The following ZC3HC1 variants were observed in gnomAD, a reference collection of about 807,000 sequenced individuals.
The protein encoded by ZC3HC1 is zinc finger C3HC-type containing 1, also known as zinc finger C3HC-type protein 1.
A neutral mutation model predicts 61.9 loss-of-function variants in ZC3HC1; 38 were observed. The observed-to-expected ratio is 0.61, with a 90% confidence interval of 0.47 to 0.81. The LOEUF (loss-of-function observed/expected upper bound fraction) is 0.81, where lower values mean the gene tolerates loss of function less well. Among genes scored for constraint, ZC3HC1 ranks in the 30% least tolerant of loss-of-function variants. ZC3HC1 has a pLI of 0.00. For synonymous variants in ZC3HC1, 213 were observed against 229.9 expected (o/e 0.93, Z 0.67); for missense variants, 554 against 622.7 (o/e 0.89, Z 1.17).
Position 130,049,019 on chromosome 7 carries a change from C to T in ZC3HC1, c.258+14G>A, listed in dbSNP as rs369955896. On this transcript the variant is annotated intron_variant, in intron 2 of 9. Coordinates refer to ENST00000358303, the MANE Select transcript of ZC3HC1 (RefSeq NM_016478.5). Reference sequence around the variant, plus strand: ...AGGCAGAAAGTGCAATTCACATGAACTAAAAAAGGATATAGAAAATGTTTC... The same window carrying T: ...AGGCAGAAAGTGCAATTCACATGAATTAAAAAAGGATATAGAAAATGTTTC... 1.0e-5 allele frequency: 16 copies of T among 1,583,168 alleles called. No individual in the cohort carries two copies. In the African/African-American group the frequency reaches 2.2e-4, roughly 21 times the overall value.
chr7:130,039,578 A>G (rs377672453), intron 3 of ZC3HC1, 31 bp from the exon 4 acceptor site: 3 of 1,560,022 alleles, frequency 1.9e-6, no homozygotes, highest in Non-Finnish European at 2.6e-6. Flanking sequence ...AACACCTTAA[A>G]AAACACTATA....
chr7:130,024,480 G>A lies in ZC3HC1; in HGVS notation c.803C>T (p.Ser268Phe), dbSNP rs1332885097. 7 of 1,613,240 alleles carry A rather than the reference G, an allele frequency of 4.3e-6. No homozygotes were observed. In the South Asian group the frequency reaches 7.7e-5, roughly 18 times the overall value. Residue 268 changes from serine (S) to phenylalanine (F), a missense_variant, in exon 7 of 10, where the codon TCC (serine) becomes TTC (phenylalanine). By Grantham distance (155) the Ser-to-Phe change is radical. Transcript: ENST00000358303. ...CSSSLESMQL[S>F]LITCSQCMRK... is the part of the protein sequence containing the mutation. Reference sequence around the variant, plus strand: ...CATACATTGCGAACATGTTATCAGGGAGAGCTGCATGGATTCCAAAGAGGA... The same window carrying A: ...CATACATTGCGAACATGTTATCAGGAAGAGCTGCATGGATTCCAAAGAGGA...
At chr7:130,048,808 T>C (rs1794963033) in intron 2 of ZC3HC1, among the ~76,000 whole-genome samples, 1 of 152,198 alleles carries the variant, frequency 6.6e-6, no homozygotes, top group Admixed American at 6.6e-5. Context: ...TAGTTATTAT[T>C]TCTTCTTTTC....
At chr7:130,039,355 A>AG in intron 4 of ZC3HC1, 109 bp downstream of exon 4, 1 of 948,230 alleles carries the variant, frequency 1.1e-6, no homozygotes, top group Non-Finnish European at 1.6e-6. Flanking sequence ...AAAAAAAAAA[A>AG]AGAAAAGGAG....
In ZC3HC1 at chr7:130,023,185, G is replaced by A. The variant is rs183583735; in HGVS notation, c.1233+326C>T. On this transcript the variant is annotated intron_variant, in intron 8 of 9. Coordinates refer to ENST00000358303, the MANE Select transcript of ZC3HC1 (RefSeq NM_016478.5). This position sits in a 1 kb window ranked among gnomAD's most constrained non-coding sequence, Gnocchi z 4.2. ...GAAACCATCCTCCCAACCGTGGTCCGTGGAAAAATGGTCTTCCATGAAAAC... is the reference window on the plus strand; with the variant it reads ...GAAACCATCCTCCCAACCGTGGTCCATGGAAAAATGGTCTTCCATGAAAAC... 54 of 327,752 alleles carry A rather than the reference G, an allele frequency of 1.6e-4. No individual in the cohort carries two copies. The highest frequency in any genetic ancestry group is 8.5e-4 in the African/African-American group (41 of 48,094). The allele number at this position is 327,752 out of a possible 1,614,324, so 20.3% of individuals were successfully genotyped here. A position where few individuals can be genotyped will look rare whatever the true frequency, so the allele number is the denominator to read the frequency against.
chr7:130,042,472 A>G (rs1013457536), intron 2 of ZC3HC1, among the ~76,000 whole-genome samples: 1 of 152,104 alleles, frequency 6.6e-6, no homozygotes, highest in African/African-American at 2.4e-5. Context: ...ATTTTCTGCC[A>G]TTCACCTATG....
chr7:130,026,578 T>G (rs1400556019), intron 5 of ZC3HC1: 1 of 293,256 alleles, frequency 3.4e-6, no homozygotes, highest in Non-Finnish European at 6.3e-6. Flanking sequence ...AATTGTTCAA[T>G]TTACCAGCTG....
chr7:130,051,121 C>T, intron 1 of ZC3HC1, 100 bp downstream of exon 1: 1 of 1,452,536 alleles, frequency 6.9e-7, no homozygotes, highest in Non-Finnish European at 9.2e-7. Context: ...CCCCACTGCC[C>T]GAGTCGCCGA....
intron 5 of ZC3HC1, 163 bp from the exon 6 acceptor site, chr7:130,026,475 T>C (rs774154082): frequency 3.0e-6 from 2 of 671,324 alleles, no homozygotes; most frequent in African/African-American, 1.8e-5. Flanking sequence ...GACAGGGCTA[T>C]AGTATCACAC....
At chr7:130,047,429 A>T (rs1180098781) in intron 2 of ZC3HC1, among the ~76,000 whole-genome samples, 1 of 152,134 alleles carries the variant, frequency 6.6e-6, no homozygotes, top group Non-Finnish European at 1.5e-5. Flanking sequence ...AAGGTGTGTG[A>T]TTTGGCTTAT....
chr7:130,032,274 T>C (rs536436476), intron 4 of ZC3HC1, among the ~76,000 whole-genome samples: 3 of 152,086 alleles, frequency 2.0e-5, no homozygotes, highest in Admixed American at 2.0e-4. Flanking sequence ...AGTGTTCTTT[T>C]TGCTCTCATA....
At chr7:130,042,226 C>T (rs1013682299) in intron 2 of ZC3HC1, among the ~76,000 whole-genome samples, 1 of 150,880 alleles carries the variant, frequency 6.6e-6, no homozygotes, top group Non-Finnish European at 1.5e-5. Flanking sequence ...TGGCTTGAGC[C>T]CAGGAGATCA....
intron 2 of ZC3HC1, 54 bp from the exon 3 acceptor site, chr7:130,041,155 T>TGTGTGG (rs1794653003): frequency 9.2e-7 from 1 of 1,091,000 alleles, no homozygotes; most frequent in African/African-American, 3.3e-5. Context: ...TGTGTGTGTA[T>TGTGTGG]GTGTGTGTGT....
At chr7:130,048,143 GTTTTTT>G (rs11364921) in intron 2 of ZC3HC1, among the ~76,000 whole-genome samples, 1 of 73,736 alleles carries the variant, frequency 1.4e-5, no homozygotes, top group African/African-American at 5.8e-5. Flanking sequence ...TTTCCTAGTT[GTTTTTT>G]TTTTTTTTTT....
chr7:130,051,120 C>A, intron 1 of ZC3HC1, 101 bp downstream of exon 1: 1 of 1,456,098 alleles, frequency 6.9e-7, no homozygotes, highest in Non-Finnish European at 9.1e-7. Flanking sequence ...TCCCCACTGC[C>A]CGAGTCGCCG....
chr7:130,029,049 G>A lies in ZC3HC1; in HGVS notation c.494-20C>T, dbSNP rs766177133. ...ATCGGTCTGTGGAAAAAGTAAATTGGAAGATTATATTGGTGTAAACTGTAA... is the reference window on the plus strand; with the variant it reads ...ATCGGTCTGTGGAAAAAGTAAATTGAAAGATTATATTGGTGTAAACTGTAA... On this transcript the variant is annotated intron_variant, in intron 4 of 9. Coordinates refer to ENST00000358303, the MANE Select transcript of ZC3HC1 (RefSeq NM_016478.5). 8.1e-6 allele frequency: 13 copies of A among 1,607,190 alleles called. No individual in the cohort carries two copies. In the South Asian group the frequency reaches 1.2e-4, roughly 15 times the overall value.
intron 3 of ZC3HC1, among the ~76,000 whole-genome samples, chr7:130,040,322 G>A (rs544790185): frequency 2.7e-5 from 4 of 148,252 alleles, no homozygotes; most frequent in South Asian, 2.2e-4. Context: ...GTGAAACCCC[G>A]TCTCTACTAA....
chr7:130,029,158 G>A (rs1794066836), intron 4 of ZC3HC1, 129 bp from the exon 5 acceptor site: 18 of 1,061,728 alleles, frequency 1.7e-5, no homozygotes, highest in Non-Finnish European at 2.3e-5. Flanking sequence ...ATCACCTGAG[G>A]TCAGGAGTTC....
chr7:130,047,447 T>C (rs1224841385), intron 2 of ZC3HC1, among the ~76,000 whole-genome samples: 1 of 152,186 alleles, frequency 6.6e-6, no homozygotes, highest in Non-Finnish European at 1.5e-5. Context: ...TATTTTATGG[T>C]CTTAAATTCT....
Sources: gnomAD v4.1 joint callset for allele counts (sites outside exome capture counted in the v4.1 genomes callset) on GRCh38, gnomAD v4.1.1 for gene constraint, Gnocchi (gnomAD v3.1) non-coding constraint, MANE v1.5 for transcripts, NCBI Gene and HGNC (gene_info 2026-07-23, HGNC 2026-07-21) for gene names.